CD2AP: variants seen among roughly 807,000 people sequenced by gnomAD.
CD2AP encodes the protein CD2 associated protein.
CD2AP carries 46 observed loss-of-function variants against 85.1 expected under a neutral mutation model. That is an observed-to-expected ratio of 0.54 (90% CI 0.43 to 0.69). The LOEUF (loss-of-function observed/expected upper bound fraction) is 0.69, where lower values mean the gene tolerates loss of function less well. Ranked by LOEUF, CD2AP falls within the 30% of genes least tolerant of loss-of-function variation. The pLI, the probability that CD2AP is intolerant of heterozygous loss-of-function variation, is 0.00. For missense variants in CD2AP, 769 were observed against 729.5 expected (o/e 1.05, Z -0.62); for synonymous variants, 255 against 252.9 (o/e 1.01, Z -0.08).
At chr6:47,597,976 T>C (rs937852435) in intron 12 of CD2AP, among the ~76,000 whole-genome samples, 4 of 150,914 alleles carry the variant, frequency 2.7e-5, no homozygotes, top group Non-Finnish European at 5.9e-5. Flanking sequence ...AGTCAAGGAA[T>C]GGCAGCCCAT....
In CD2AP at chr6:47,580,999, TATG is replaced by T. The variant is rs145564945; in HGVS notation, c.1045+103_1045+105del. The T allele has an allele frequency of 9.8e-4, 825 of 838,872 alleles. 4 individuals are homozygous for T. In the African/African-American group the frequency reaches 0.012, roughly 13 times the overall value. The allele number at this position is 838,872 out of a possible 1,614,324, so 52.0% of individuals were successfully genotyped here. On this transcript the variant is annotated intron_variant, in intron 10 of 17. Coordinates refer to ENST00000359314, the MANE Select transcript of CD2AP (RefSeq NM_012120.3). The stretch of plus-strand genomic sequence containing the variant: ...ATGCAAACTATTGATTTTTATCAAG[TATG>T]ATGTCTGTAAACATTTTTAGAAATA...
At chr6:47,603,854 C>T (rs1373810728) in intron 13 of CD2AP, among the ~76,000 whole-genome samples, 2 of 151,954 alleles carry the variant, frequency 1.3e-5, no homozygotes, top group Non-Finnish European at 2.9e-5. Flanking sequence ...GTTTATAAAG[C>T]AATCAAAATA....
intron 3 of CD2AP, among the ~76,000 whole-genome samples, chr6:47,538,992 G>T (rs899628570): frequency 6.6e-6 from 1 of 152,064 alleles, no homozygotes; most frequent in East Asian, 1.9e-4. Context: ...TTGAACTCTT[G>T]TGTGTCAAAT....
rs146010044 is a variant in CD2AP, at chr6:47,574,158, A to G, written c.636A>G (p.Arg212=). 15 of 1,613,914 alleles carry G rather than the reference A, an allele frequency of 9.3e-6. No homozygotes were observed. Among genetic ancestry groups the G allele is most frequent in the Admixed American group, 1.7e-5 (1 of 60,010 alleles). ...CAGTTACACAGCCAAAGAAAATTCG[A>G]GGAATTGGATTTGGAGACATTTTTA... The part of the protein sequence containing the change: ...SGSVTQPKKI[R]GIGFGDIFKE... Residue 212 remains arginine (R), a synonymous_variant, in exon 6 of 18, where the codon CGA becomes CGG. Coordinates refer to ENST00000359314, the MANE Select transcript of CD2AP (RefSeq NM_012120.3).
In CD2AP at chr6:47,525,074, TA is replaced by T. The variant is rs1267196890; in HGVS notation, c.166-8520del. Among the ~76,000 whole-genome samples, 7 of 151,852 alleles carry T rather than the reference TA, an allele frequency of 4.6e-5. 1 individual carries two copies. The highest frequency in any genetic ancestry group is 3.3e-4 in the Admixed American group (5 of 15,248). On this transcript the variant is annotated intron_variant, in intron 2 of 17. Coordinates refer to ENST00000359314, the MANE Select transcript of CD2AP (RefSeq NM_012120.3). ...ATTCCTTATATATTATTACTTATATTAAAAAAAACAAAAATACTTCAGGAGT... is the reference window on the plus strand; with the variant it reads ...ATTCCTTATATATTATTACTTATATTAAAAAAACAAAAATACTTCAGGAGT...
intron 6 of CD2AP, among the ~76,000 whole-genome samples, chr6:47,575,720 A>G (rs995697794): frequency 3.3e-5 from 5 of 152,134 alleles, no homozygotes; most frequent in Non-Finnish European, 7.3e-5. Flanking sequence ...AGGTTAAATT[A>G]CTGTTGTAAT....
intron 1 of CD2AP, among the ~76,000 whole-genome samples, chr6:47,499,329 AAT>A (rs1173209160): frequency 1.3e-4 from 18 of 143,676 alleles, no homozygotes; most frequent in South Asian, 1.1e-3. Context: ...GTGTGTGTTG[AAT>A]ATATGTGTAT....
chr6:47,574,164 T>C lies in CD2AP; in HGVS notation c.642T>C (p.Ile214=), dbSNP rs201232118. The C allele has an allele frequency of 3.7e-6, 6 of 1,614,062 alleles. No individual in the cohort carries two copies. The African/African-American group carries it at 5.3e-5, about 14-fold the overall frequency. The stretch of plus-strand genomic sequence containing the variant: ...CACAGCCAAAGAAAATTCGAGGAAT[T>C]GGATTTGGAGACATTTTTAAAGAAG... ...SVTQPKKIRG[I]GFGDIFKEGS... The change falls in exon 6 of 18, where the codon ATT becomes ATC. Residue 214 remains isoleucine (I), a synonymous_variant. Transcript: ENST00000359314.
intron 1 of CD2AP, among the ~76,000 whole-genome samples, chr6:47,489,642 C>T (rs187304573): frequency 6.0e-4 from 92 of 152,258 alleles, no homozygotes; most frequent in African/African-American, 2.0e-3. Flanking sequence ...ACGGAGCATT[C>T]GGTTCCCCAC....
intron 17 of CD2AP, among the ~76,000 whole-genome samples, chr6:47,614,276 T>C (rs1213803043): frequency 1.3e-5 from 2 of 152,252 alleles, no homozygotes. Context: ...CAACATTGCC[T>C]TCCTCTCTGA....
intron 5 of CD2AP, 39 bp from the exon 6 acceptor site, chr6:47,574,025 T>C (rs776679863): frequency 1.3e-6 from 2 of 1,559,192 alleles, no homozygotes; most frequent in East Asian, 2.2e-5. Flanking sequence ...CGTTTTGTGA[T>C]TCTAGGTGTC....
intron 3 of CD2AP, among the ~76,000 whole-genome samples, chr6:47,543,820 A>G (rs1307067593): frequency 2.0e-5 from 3 of 152,204 alleles, no homozygotes; most frequent in Admixed American, 6.5e-5. Context: ...AGTTCCTAGT[A>G]AGTAGATGTG....
intron 11 of CD2AP, among the ~76,000 whole-genome samples, chr6:47,583,708 T>A (rs9395283): frequency 2.0e-5 from 3 of 152,144 alleles, no homozygotes; most frequent in Admixed American, 2.0e-4. Context: ...TTGGCACTTA[T>A]AAGGGGAGCT....
Position 47,624,186 on chromosome 6 carries a change from A to G in CD2AP, c.1879A>G (p.Met627Val), listed in dbSNP as rs200226751. The change falls in exon 18 of 18, where the codon ATG (methionine) becomes GTG (valine). Residue 627 changes from methionine (M) to valine (V), a missense_variant and splice_region_variant. Transcript: ENST00000359314. Reference sequence around the variant, plus strand: ...GCTCAATTTATGTTTTTTGTTTTAGATGGAAATAGAGAAGCTGAAAAAAGC... The same window carrying G: ...GCTCAATTTATGTTTTTTGTTTTAGGTGGAAATAGAGAAGCTGAAAAAAGC... The part of the protein sequence containing the change: ...EEKTMRSNLE[M>V]EIEKLKKAVL... 3 of 1,609,126 alleles carry G rather than the reference A, an allele frequency of 1.9e-6. No homozygotes were observed. The highest frequency in any genetic ancestry group is 2.6e-6 in the Non-Finnish European group (3 of 1,175,768).
intron 2 of CD2AP, among the ~76,000 whole-genome samples, chr6:47,507,226 C>T (rs9473122): frequency 0.27 from 40,888 of 152,068 alleles, 5,688 homozygotes; most frequent in African/African-American, 0.33. Flanking sequence ...TCTCTATTTT[C>T]ACCACATCTA....
At chr6:47,576,971 A>G (rs1338291863) in intron 7 of CD2AP, 38 bp from the exon 8 acceptor site, 3 of 1,059,284 alleles carry the variant, frequency 2.8e-6, no homozygotes, top group East Asian at 2.4e-5. Flanking sequence ...GAATGAATCC[A>G]TTTGTGTGAG....
chr6:47,555,703 A>T (rs1196675974), intron 5 of CD2AP, among the ~76,000 whole-genome samples: 1 of 152,194 alleles, frequency 6.6e-6, no homozygotes, highest in Non-Finnish European at 1.5e-5. Context: ...CTATCTTTAC[A>T]TACAAGATCA....
chr6:47,599,331 A>G lies in CD2AP; in HGVS notation c.1305A>G (p.Ser435=). 1.2e-6 allele frequency: 2 copies of G among 1,612,486 alleles called. No individual in the cohort carries two copies. Among genetic ancestry groups the G allele is most frequent in the East Asian group, 4.5e-5 (2 of 44,766 alleles). Residue 435 remains serine (S), a synonymous_variant, in exon 13 of 18, where the codon TCA becomes TCG. Transcript: ENST00000359314. ...KINGEVSSIS[S]KFETEPVSKL... Reference sequence around the variant, plus strand: ...ATGGGGAAGTTTCTAGCATTTCATCAAAATTTGAAACTGAGCCAGTATCAA... The same window carrying G: ...ATGGGGAAGTTTCTAGCATTTCATCGAAATTTGAAACTGAGCCAGTATCAA...
chr6:47,501,002 C>T (rs573444365), intron 1 of CD2AP, among the ~76,000 whole-genome samples: 18 of 152,186 alleles, frequency 1.2e-4, no homozygotes, highest in Non-Finnish European at 2.4e-4. Context: ...CTGCCTCCGC[C>T]TCCCAAAGTG....
Sources: gnomAD v4.1 joint callset for allele counts (sites outside exome capture counted in the v4.1 genomes callset) on GRCh38, gnomAD v4.1.1 for gene constraint, MANE v1.5 for transcripts, NCBI Gene and HGNC (gene_info 2026-07-23, HGNC 2026-07-21) for gene names.